ACTR3B: variants seen among roughly 807,000 people sequenced by gnomAD.
ACTR3B encodes the protein actin-related protein 3B.
ACTR3B carries 8 observed loss-of-function variants against 59.0 expected under a neutral mutation model. The ratio of observed to expected loss-of-function variants is 0.14; its 90% CI spans 0.08 to 0.24. The LOEUF (loss-of-function observed/expected upper bound fraction) is 0.24. ACTR3B is among the 10% of genes least tolerant of loss of function. The probability of loss-of-function intolerance (pLI) is 1.00; values close to 1 mark genes in which losing one functional copy is unlikely to be tolerated. For missense variants in ACTR3B, 245 were observed against 552.3 expected, an observed-to-expected ratio of 0.44 and a Z score of 5.58; for synonymous variants, 148 against 197.9, an observed-to-expected ratio of 0.75 and a Z score of 2.12.
chr7:152,772,291 G>A (rs1348602302), intron 1 of ACTR3B, among the ~76,000 whole-genome samples: 1 of 149,648 alleles, frequency 6.7e-6, no homozygotes, highest in Non-Finnish European at 1.5e-5. Flanking sequence ...GGCCAAGGCA[G>A]GAGGATTGCT....
At position 152,854,381 on chromosome 7, in the gene ACTR3B, C is replaced by A; in HGVS notation, c.1162-77C>A. 7.3e-7 allele frequency: 1 copy of A among 1,364,008 alleles called. No homozygotes were observed. The highest frequency in any genetic ancestry group is 2.3e-5 in the East Asian group (1 of 43,730). The allele number at this position is 1,364,008 out of a possible 1,614,324, so 84.5% of individuals were successfully genotyped here. On this transcript the variant is annotated intron_variant, in intron 11 of 11. Transcript: ENST00000256001. This position sits in a 1 kb window ranked among gnomAD's most constrained non-coding sequence, Gnocchi z 4.9. Reference sequence around the variant, plus strand: ...GTGGAGGCCGGGATGAGGAGAGTGTCTTGCCTGCTTGGTAGCTGGTTCCCT... The same window carrying A: ...GTGGAGGCCGGGATGAGGAGAGTGTATTGCCTGCTTGGTAGCTGGTTCCCT...
At chr7:152,771,818 A>G (rs2689506) in intron 1 of ACTR3B, among the ~76,000 whole-genome samples, 6 of 152,112 alleles carry the variant, frequency 3.9e-5, no homozygotes, top group African/African-American at 7.2e-5. Context: ...GCTCGTGCCT[A>G]TAATCCCAGC....
At chr7:152,799,741 T>A (rs1446423361) in intron 2 of ACTR3B, among the ~76,000 whole-genome samples, 1 of 152,184 alleles carries the variant, frequency 6.6e-6, no homozygotes, top group Non-Finnish European at 1.5e-5. Flanking sequence ...GGTGTTGATG[T>A]CGAGACCTGA....
chr7:152,848,379 A>G lies in ACTR3B; in HGVS notation c.952-3747A>G, dbSNP rs564701581. Reference sequence around the variant, plus strand: ...AAGGCTGCAGCATTCCCTGCCAGAGAGCGAGGCTGGAGGAATCTTAGCCTG... The same window carrying G: ...AAGGCTGCAGCATTCCCTGCCAGAGGGCGAGGCTGGAGGAATCTTAGCCTG... On this transcript the variant is annotated intron_variant, in intron 9 of 11. Transcript: ENST00000256001. Among the ~76,000 whole-genome samples, 6 of 152,344 alleles carry G rather than the reference A, an allele frequency of 3.9e-5. No individual in the cohort carries two copies. The East Asian group carries it at 9.7e-4, about 25-fold the overall frequency.
In ACTR3B at chr7:152,781,369, C is replaced by T. The variant is rs184971269; in HGVS notation, c.45-1818C>T. Among the ~76,000 whole-genome samples, 564 of 151,994 alleles carry T rather than the reference C, an allele frequency of 3.7e-3. 19 individuals carry two copies. The highest frequency in any genetic ancestry group is 0.034 in the Admixed American group (525 of 15,264). On this transcript the variant is annotated intron_variant, in intron 1 of 11. Transcript: ENST00000256001. ...ATTGGTCCTTCCGCTGGCGGTTTGA[C>T]AATGATTACCTTTTTTACAACTGGT...
intron 9 of ACTR3B, among the ~76,000 whole-genome samples, chr7:152,828,561 T>A (rs1177537286): frequency 1.6e-4 from 25 of 152,094 alleles, no homozygotes; most frequent in African/African-American, 5.8e-4. Context: ...TGTGGGTTTT[T>A]AAAAATAATT....
chr7:152,774,974 G>C lies in ACTR3B; in HGVS notation c.45-8213G>C, dbSNP rs530334501. Among the ~76,000 whole-genome samples the C allele has an allele frequency of 3.2e-4, 48 of 152,044 alleles. 1 individual carries two copies. The South Asian group carries it at 9.6e-3, about 30-fold the overall frequency. On this transcript the variant is annotated intron_variant, in intron 1 of 11. Coordinates refer to ENST00000256001, the MANE Select transcript of ACTR3B (RefSeq NM_020445.6). ...GTAGAGCTATTATGATTGAAGTTTG[G>C]GGTTTGAGACTGGACCTCACCAGGG...
chr7:152,763,313 CAAAAAAAAAAAAAAAAAA>C (rs925259822), intron 1 of ACTR3B, among the ~76,000 whole-genome samples: 1 of 20,492 alleles, frequency 4.9e-5, no homozygotes, highest in Non-Finnish European at 1.0e-4. Flanking sequence ...GACTCCATCT[CAAAAAAAAAAAAAAAAAA>C]AAAAAAAAAA....
chr7:152,843,665 C>G (rs1250243419), intron 9 of ACTR3B, among the ~76,000 whole-genome samples: 1 of 152,140 alleles, frequency 6.6e-6, no homozygotes, highest in Non-Finnish European at 1.5e-5. Flanking sequence ...AGAGACATGA[C>G]AAGTAATTGC....
chr7:152,804,674 A>G (rs1590311103), intron 4 of ACTR3B, among the ~76,000 whole-genome samples: 1 of 152,308 alleles, frequency 6.6e-6, no homozygotes, highest in African/African-American at 2.4e-5. Context: ...CACCCATGAA[A>G]ATCCTTCAGG....
At chr7:152,777,435 T>C (rs1005752229) in intron 1 of ACTR3B, among the ~76,000 whole-genome samples, 1 of 152,200 alleles carries the variant, frequency 6.6e-6, no homozygotes, top group Admixed American at 6.5e-5. Flanking sequence ...GTAGGAGTAA[T>C]AGCTTATTCA....
At chr7:152,802,589 A>G (rs2098240012) in intron 4 of ACTR3B, among the ~76,000 whole-genome samples, 2 of 148,386 alleles carry the variant, frequency 1.3e-5, no homozygotes, top group African/African-American at 2.5e-5. Flanking sequence ...TCTACTCAAC[A>G]TTACATGTTT....
intron 2 of ACTR3B, among the ~76,000 whole-genome samples, chr7:152,794,226 T>C (rs1449811022): frequency 2.0e-5 from 3 of 152,180 alleles, no homozygotes; most frequent in Admixed American, 1.3e-4. Context: ...TTTTTGATTA[T>C]TATTATTTTT....
At chr7:152,795,360 T>TA (rs1480661760) in intron 2 of ACTR3B, among the ~76,000 whole-genome samples, 1 of 152,218 alleles carries the variant, frequency 6.6e-6, no homozygotes, top group Non-Finnish European at 1.5e-5. Flanking sequence ...AATTCACTCT[T>TA]ATAGCTGTGT....
Position 152,811,159 on chromosome 7 carries a change from G to T in ACTR3B, c.337-3391G>T, listed in dbSNP as rs539427307. The T allele has an allele frequency of 2.7e-3, 398 of 148,358 alleles. 2 individuals carry two copies. Among genetic ancestry groups the T allele is most frequent in the African/African-American group, 9.6e-3 (384 of 39,972 alleles). The allele number at this position is 148,358 out of a possible 1,614,324, so 9.2% of individuals were successfully genotyped here. A position where few individuals can be genotyped will look rare whatever the true frequency, so the allele number is the denominator to read the frequency against. On this transcript the variant is annotated intron_variant, in intron 4 of 11. Transcript: ENST00000256001. ...GTTTTAGTTGGGTCTCTTAACCTCAGAATGTAATTTGATTTTGTTTTTGTT... is the reference window on the plus strand; with the variant it reads ...GTTTTAGTTGGGTCTCTTAACCTCATAATGTAATTTGATTTTGTTTTTGTT...
chr7:152,777,363 A>G (rs1215706437), intron 1 of ACTR3B, among the ~76,000 whole-genome samples: 2 of 152,188 alleles, frequency 1.3e-5, no homozygotes, highest in East Asian at 3.9e-4. Context: ...AGATTAAGGC[A>G]TGTCTCTGTT....
chr7:152,808,669 C>G (rs1222920548), intron 4 of ACTR3B, among the ~76,000 whole-genome samples: 1 of 152,196 alleles, frequency 6.6e-6, no homozygotes, highest in Non-Finnish European at 1.5e-5. Context: ...TTCCCCACCT[C>G]TACTCAGTTT....
At chr7:152,848,646 CA>C (rs1434827771) in intron 9 of ACTR3B, among the ~76,000 whole-genome samples, 1 of 152,080 alleles carries the variant, frequency 6.6e-6, no homozygotes, top group Non-Finnish European at 1.5e-5. Flanking sequence ...AGAGCAGGAC[CA>C]GGGGTCAGTT....
At chr7:152,785,542 G>A (rs370260272) in intron 2 of ACTR3B, among the ~76,000 whole-genome samples, 2,337 of 141,904 alleles carry the variant, frequency 0.016, 28 homozygotes, top group Middle Eastern at 0.036. Flanking sequence ...GAGGCAAGAG[G>A]GGCCCCAGGA....
Sources: gnomAD v4.1 joint callset for allele counts (sites outside exome capture counted in the v4.1 genomes callset) on GRCh38, gnomAD v4.1.1 for gene constraint, Gnocchi (gnomAD v3.1) non-coding constraint, MANE v1.5 for transcripts, NCBI Gene and HGNC (gene_info 2026-07-23, HGNC 2026-07-21) for gene names.